The following CHIC2 variants were observed in gnomAD, a reference collection of about 807,000 sequenced individuals.
The protein encoded by CHIC2 is cysteine-rich hydrophobic domain-containing protein 2.
A neutral mutation model predicts 25.9 loss-of-function variants in CHIC2; 14 were observed. The observed-to-expected ratio is 0.54, with a 90% CI of 0.36 to 0.85. The LOEUF is 0.85. CHIC2 is among the 40% of genes least tolerant of loss of function. The probability of loss-of-function intolerance (pLI) is 0.01; values close to 1 mark genes in which losing one functional copy is unlikely to be tolerated. For synonymous variants in CHIC2, 70 were observed against 72.0 expected (o/e 0.97, Z 0.14); for missense variants, 146 against 202.0 (o/e 0.72, Z 1.68).
intron 3 of CHIC2, among the ~76,000 whole-genome samples, chr4:54,032,609 G>A (rs1716267307): frequency 6.6e-6 from 1 of 152,046 alleles, no homozygotes; most frequent in Non-Finnish European, 1.5e-5. Flanking sequence ...TGATAAAGAG[G>A]TCAATCACAA....
At chr4:54,037,716 T>G (rs913780060) in intron 3 of CHIC2, among the ~76,000 whole-genome samples, 6 of 152,148 alleles carry the variant, frequency 3.9e-5, no homozygotes, top group Non-Finnish European at 7.4e-5. Flanking sequence ...GTATATGCTT[T>G]AACAGTAATA....
chr4:54,075,740 G>C, the CHIC2 span, among the ~76,000 whole-genome samples: 1 of 152,066 alleles, frequency 6.6e-6, no homozygotes, highest in African/African-American at 2.4e-5. Context: ...TTTTAGTAGA[G>C]ATGAGGTTTC....
chr4:54,017,443 A>T (rs1715769730), intron 3 of CHIC2, among the ~76,000 whole-genome samples: 1 of 152,212 alleles, frequency 6.6e-6, no homozygotes, highest in Admixed American at 6.5e-5. Flanking sequence ...CCAGATTGAT[A>T]GTCATGGGAA....
chr4:54,090,994 T>A, the CHIC2 span, among the ~76,000 whole-genome samples: 29 of 152,128 alleles, frequency 1.9e-4, no homozygotes, highest in African/African-American at 6.7e-4. Context: ...CTAAGCTATC[T>A]TGTTCTCACG....
rs1030323959 is a variant in CHIC2 at position 54,064,093 on chromosome 4, A to G, written c.119+89T>C. 3 of 1,146,714 alleles carry G rather than the reference A, an allele frequency of 2.6e-6. No individual in the cohort carries two copies. The highest frequency in any genetic ancestry group is 3.7e-6 in the Non-Finnish European group (3 of 800,916). The allele number at this position is 1,146,714 out of a possible 1,614,324, so 71.0% of individuals were successfully genotyped here. A position where few individuals can be genotyped will look rare whatever the true frequency, so the allele number is the denominator to read the frequency against. On this transcript the variant is annotated intron_variant, in intron 1 of 5. Transcript: ENST00000263921. The surrounding 1 kb of genome is among the most constrained non-coding windows in gnomAD (Gnocchi z 4.2). ...ACTCTTTCGGAAGGCCCCCGACACC[A>G]GACGGACACAGGGGAAACGGGGCTC...
At chr4:54,079,976 C>A in the CHIC2 span, among the ~76,000 whole-genome samples, 36 of 151,848 alleles carry the variant, frequency 2.4e-4, no homozygotes, top group East Asian at 6.2e-3. Flanking sequence ...CCTATATGAT[C>A]CAGCAATCCC....
At chr4:54,032,213 T>C (rs1716248158) in intron 3 of CHIC2, among the ~76,000 whole-genome samples, 1 of 152,176 alleles carries the variant, frequency 6.6e-6, no homozygotes, top group Non-Finnish European at 1.5e-5. Context: ...AGCATTTTTA[T>C]AAAGGAGATA....
At chr4:54,087,378 A>C in the CHIC2 span, 4 of 568,728 alleles carry the variant, frequency 7.0e-6, no homozygotes, top group Non-Finnish European at 1.3e-5. Flanking sequence ...CCTGCTAAGC[A>C]AAATGTAGAT....
At chr4:54,091,399 C>A in the CHIC2 span, among the ~76,000 whole-genome samples, 2 of 152,204 alleles carry the variant, frequency 1.3e-5, no homozygotes, top group Admixed American at 1.3e-4. Flanking sequence ...CAGACACACT[C>A]CTGCTCTCTC....
intron 1 of CHIC2, among the ~76,000 whole-genome samples, chr4:54,055,123 G>C (rs1252669076): frequency 6.6e-6 from 1 of 151,998 alleles, no homozygotes; most frequent in African/African-American, 2.4e-5. Context: ...TGGAGACAGG[G>C]GGAAGAAAAA....
chr4:54,010,925 C>T (rs1403896297), intron 5 of CHIC2, among the ~76,000 whole-genome samples: 1 of 151,924 alleles, frequency 6.6e-6, no homozygotes, highest in African/African-American at 2.4e-5. Context: ...TTCCAAAAGG[C>T]CTTTTAATAG....
At chr4:54,044,830 A>T (rs1716729228) in intron 3 of CHIC2, among the ~76,000 whole-genome samples, 1 of 152,164 alleles carries the variant, frequency 6.6e-6, no homozygotes, top group Admixed American at 6.5e-5. Flanking sequence ...AGACACAAAA[A>T]ACCCTTCAAA....
At chr4:54,027,082 C>G (rs1716084216) in intron 3 of CHIC2, among the ~76,000 whole-genome samples, 1 of 152,064 alleles carries the variant, frequency 6.6e-6, no homozygotes, top group African/African-American at 2.4e-5. Context: ...AAGTAGAAAG[C>G]TGGATGAAAA....
chr4:54,036,007 A>G (rs1716372082), intron 3 of CHIC2, among the ~76,000 whole-genome samples: 1 of 152,204 alleles, frequency 6.6e-6, no homozygotes, highest in African/African-American at 2.4e-5. Flanking sequence ...GGAATTTTCT[A>G]GCGATTTTTC....
intron 3 of CHIC2, among the ~76,000 whole-genome samples, chr4:54,025,484 T>C (rs1440800943): frequency 6.6e-6 from 1 of 152,148 alleles, no homozygotes; most frequent in Non-Finnish European, 1.5e-5. Context: ...CCAGGTGAAA[T>C]AAACAGCCTT....
At position 54,064,391 on chromosome 4, in the gene CHIC2, G is replaced by A; in HGVS notation, c.-91C>T. ...GGCGAGGCGGCGGAGGCTGAGGGGA[G>A]TCGCCGCTGCCGCCGGCTCCGAGGC... On this transcript the variant is annotated 5_prime_UTR_variant, in exon 1 of 6. Coordinates refer to ENST00000263921, the MANE Select transcript of CHIC2 (RefSeq NM_012110.4). The surrounding 1 kb of genome is among the most constrained non-coding windows in gnomAD (Gnocchi z 4.2). The A allele has an allele frequency of 1.3e-6, 2 of 1,557,162 alleles. No individual in the cohort carries two copies. The highest frequency in any genetic ancestry group is 1.7e-6 in the Non-Finnish European group (2 of 1,154,592).
Position 54,064,002 on chromosome 4 carries a change from C to T in CHIC2, c.119+180G>A, listed in dbSNP as rs1161362784. ...GGGGTGTGTGGAGGAGGAAGGACAG[C>T]GTCCGTCCCCACTTCGGAGACCCAA... is the stretch of plus-strand genomic sequence containing the variant. On this transcript the variant is annotated intron_variant, in intron 1 of 5. Transcript: ENST00000263921. The surrounding 1 kb of genome is among the most constrained non-coding windows in gnomAD (Gnocchi z 4.2). 2.0e-5 allele frequency among the ~76,000 whole-genome samples: 3 copies of T among 152,196 alleles called. No homozygotes were observed. Among genetic ancestry groups the T allele is most frequent in the African/African-American group, 7.2e-5 (3 of 41,426 alleles).
rs1405918951 is a variant in CHIC2 at position 54,049,378 on chromosome 4, GGTCAAGTCAAT to G, written c.120-84_120-74del. On this transcript the variant is annotated intron_variant, in intron 1 of 5. Transcript: ENST00000263921. ...AAAAATGTAGACCATTTAATTTAAAGGTCAAGTCAATAGAAAGCATTTTCACATATGGAGGA... is the reference window on the plus strand; with the variant it reads ...AAAAATGTAGACCATTTAATTTAAAGAGAAAGCATTTTCACATATGGAGGA... 16 of 956,180 alleles carry G rather than the reference GGTCAAGTCAAT, an allele frequency of 1.7e-5. No individual in the cohort carries two copies. In the South Asian group the frequency reaches 2.8e-4, roughly 17 times the overall value. The allele number at this position is 956,180 out of a possible 1,614,324, so 59.2% of individuals were successfully genotyped here.
intron 3 of CHIC2, among the ~76,000 whole-genome samples, chr4:54,028,699 A>C (rs934330119): frequency 1.3e-5 from 2 of 152,232 alleles, no homozygotes; most frequent in Non-Finnish European, 2.9e-5. Context: ...CTATTATTTC[A>C]TTGCATATCA....
Sources: gnomAD v4.1 joint callset for allele counts (sites outside exome capture counted in the v4.1 genomes callset) on GRCh38, gnomAD v4.1.1 for gene constraint, Gnocchi (gnomAD v3.1) non-coding constraint, MANE v1.5 for transcripts, NCBI Gene and HGNC (gene_info 2026-07-23, HGNC 2026-07-21) for gene names.